KIAA1549: variants seen among roughly 807,000 people sequenced by gnomAD.
KIAA1549 encodes UPF0606 protein KIAA1549.
A neutral mutation model predicts 156.4 loss-of-function variants in KIAA1549; 70 were observed. The observed-to-expected ratio is 0.45, with a 90% CI of 0.37 to 0.55. KIAA1549 has a LOEUF of 0.55. Among genes scored for constraint, KIAA1549 ranks in the 20% least tolerant of loss-of-function variants. The pLI is 0.00. For missense variants in KIAA1549, 2,428 were observed against 2,540.9 expected, an observed-to-expected ratio of 0.96 and a Z score of 0.96; for synonymous variants, 1,103 against 1,066.4, an observed-to-expected ratio of 1.03 and a Z score of -0.67.
At chr7:138,851,680 C>G (rs1810237825) in intron 17 of KIAA1549, among the ~76,000 whole-genome samples, 1 of 152,168 alleles carries the variant, frequency 6.6e-6, no homozygotes, top group Non-Finnish European at 1.5e-5. Flanking sequence ...CAACCCTAAT[C>G]AACTTTCAAA....
chr7:138,974,146 T>C (rs1814304146), intron 1 of KIAA1549, among the ~76,000 whole-genome samples: 3 of 152,202 alleles, frequency 2.0e-5, no homozygotes, highest in Non-Finnish European at 4.4e-5. Flanking sequence ...GAAAAATTGC[T>C]CAGCATCCCT....
intron 1 of KIAA1549, among the ~76,000 whole-genome samples, chr7:138,938,689 C>T (rs910272699): frequency 5.9e-5 from 9 of 152,222 alleles, no homozygotes; most frequent in African/African-American, 1.2e-4. Context: ...GAGTTCTATG[C>T]CTGTTTTTGC....
At chr7:138,846,352 T>C (rs1232858038) in intron 17 of KIAA1549, among the ~76,000 whole-genome samples, 2 of 151,990 alleles carry the variant, frequency 1.3e-5, no homozygotes, top group Admixed American at 1.3e-4. Context: ...CTGGCCAACA[T>C]GGTGAAACGC....
chr7:138,964,012 T>G (rs1214181218), intron 1 of KIAA1549, among the ~76,000 whole-genome samples: 5 of 152,092 alleles, frequency 3.3e-5, no homozygotes, highest in Admixed American at 2.0e-4. Context: ...ACTTTTTGAG[T>G]TTTTTTATTG....
In KIAA1549 at chr7:138,918,850, C is replaced by T. The variant is rs775674578; in HGVS notation, c.776G>A (p.Ser259Asn). 1.9e-6 allele frequency: 3 copies of T among 1,613,922 alleles called. No individual in the cohort carries two copies. Among genetic ancestry groups the T allele is most frequent in the Admixed American group, 3.3e-5 (2 of 60,012 alleles). Reference sequence around the variant, plus strand: ...TGGCAGAGTCCTGCTTGATAAATGACTGTAAGCATCAGTAGGATAAAGCAC... The same window carrying T: ...TGGCAGAGTCCTGCTTGATAAATGATTGTAAGCATCAGTAGGATAAAGCAC... ...NLVLYPTDAY[S>N]HLSSRTLPEI... Residue 259 changes from serine (S) to asparagine (N), a missense_variant, in exon 2 of 20, where the codon AGT (serine) becomes AAT (asparagine). Physicochemically the swap from Ser to Asn is conservative, Grantham distance 46 (BLOSUM62 1). Coordinates refer to ENST00000422774, the MANE Select transcript of KIAA1549 (RefSeq NM_001164665.2). The surrounding 1 kb of genome is among the most constrained non-coding windows in gnomAD (Gnocchi z 4.2).
chr7:138,972,112 C>T (rs1408147248), intron 1 of KIAA1549, among the ~76,000 whole-genome samples: 1 of 152,120 alleles, frequency 6.6e-6, no homozygotes, highest in Admixed American at 6.5e-5. Context: ...GACGGACTTC[C>T]TCCCCTCCCA....
chr7:138,887,100 G>T (rs1811414515), intron 10 of KIAA1549, among the ~76,000 whole-genome samples: 1 of 151,778 alleles, frequency 6.6e-6, no homozygotes, highest in African/African-American at 2.4e-5. Flanking sequence ...ATTACAGATG[G>T]GGTTTCACCA....
At position 138,894,417 on chromosome 7, in the gene KIAA1549, G is replaced by A. The variant is rs779392132; in HGVS notation, c.3957C>T (p.Leu1319=). Residue 1319 remains leucine, a synonymous_variant, in exon 10 of 20, where the codon CTC becomes CTT. Coordinates refer to ENST00000422774, the MANE Select transcript of KIAA1549 (RefSeq NM_001164665.2). ...VLVVMVIVVI[L]YWKLCRTDKL... ...TGTCTGTGCGGCATAGTTTCCAGTA[G>A]AGGATGACAACAATCACCATCACCA... The A allele has an allele frequency of 2.6e-5, 42 of 1,613,922 alleles. No homozygotes were observed. The Admixed American group carries it at 5.8e-4, about 22-fold the overall frequency.
rs374916445 is a variant in KIAA1549 at position 138,879,561 on chromosome 7, C to A, written c.4322G>T (p.Arg1441Met). The change falls in exon 12 of 20, where the codon AGG becomes ATG. Residue 1441 changes from arginine to methionine, a missense_variant. Coordinates refer to ENST00000422774, the MANE Select transcript of KIAA1549 (RefSeq NM_001164665.2). ...ACCGCTCTGCGGAGCTCTGTGGGAC[C>A]TGCCATCGTTGACGGCTCCCGGCGT... ...DKTPGAVNDGRSHRAPQSGPP... is the reference protein window; with the variant it reads ...DKTPGAVNDGMSHRAPQSGPP... The A allele has an allele frequency of 4.8e-5, 75 of 1,565,766 alleles. No individual in the cohort carries two copies. Among genetic ancestry groups the A allele is most frequent in the Non-Finnish European group, 6.1e-5 (71 of 1,154,678 alleles).
chr7:138,935,022 C>G (rs949592702), intron 1 of KIAA1549, among the ~76,000 whole-genome samples: 1 of 152,150 alleles, frequency 6.6e-6, no homozygotes, highest in Non-Finnish European at 1.5e-5. Flanking sequence ...TGCTCAGTGC[C>G]CCCCGGAGAA....
chr7:138,954,422 A>T (rs1813599909), intron 1 of KIAA1549, among the ~76,000 whole-genome samples: 1 of 152,172 alleles, frequency 6.6e-6, no homozygotes, highest in Non-Finnish European at 1.5e-5. Context: ...GTTAGACTAC[A>T]GAAGACCTGA....
At chr7:138,943,053 G>GT in intron 1 of KIAA1549, among the ~76,000 whole-genome samples, 1 of 152,346 alleles carries the variant, frequency 6.6e-6, no homozygotes, top group South Asian at 2.1e-4. Flanking sequence ...CAACCAATGT[G>GT]TGCCCCTGCA....
rs1256271447 is a variant in KIAA1549 at position 138,836,400 on chromosome 7, T to C, written c.*1506A>G. ...GTGTAGTAGGCTATACCATGTAGGT[T>C]GTGTAAGTACAATCTAGGATGTTGG... On this transcript the variant is annotated 3_prime_UTR_variant, in exon 20 of 20. Coordinates refer to ENST00000422774, the MANE Select transcript of KIAA1549 (RefSeq NM_001164665.2). 4 of 214,852 alleles carry C rather than the reference T, an allele frequency of 1.9e-5. No homozygotes were observed. The highest frequency in any genetic ancestry group is 4.5e-5 in the African/African-American group (2 of 44,264). 13.3% of individuals were successfully genotyped at this position (214,852 alleles called of 1,614,324 possible).
chr7:138,926,758 C>G (rs997200974), intron 1 of KIAA1549, among the ~76,000 whole-genome samples: 1 of 152,098 alleles, frequency 6.6e-6, no homozygotes, highest in Non-Finnish European at 1.5e-5. Flanking sequence ...ACCAAGTTAC[C>G]TCTCCAACTG....
chr7:138,836,422 T>C lies in KIAA1549; in HGVS notation c.*1484A>G, dbSNP rs1324759935. 2.8e-5 allele frequency: 6 copies of C among 214,772 alleles called. No individual in the cohort carries two copies. The Admixed American group carries it at 3.5e-4, about 13-fold the overall frequency. The allele number at this position is 214,772 out of a possible 1,614,324, so 13.3% of individuals were successfully genotyped here. A position where few individuals can be genotyped will look rare whatever the true frequency, so the allele number is the denominator to read the frequency against. On this transcript the variant is annotated 3_prime_UTR_variant, in exon 20 of 20. Transcript: ENST00000422774. ...GGTTGTGTAAGTACAATCTAGGATG[T>C]TGGCACAGCAACAAAACAGCCTAAT...
intron 8 of KIAA1549, among the ~76,000 whole-genome samples, chr7:138,899,760 C>A (rs1043334276): frequency 6.6e-6 from 1 of 152,132 alleles, no homozygotes; most frequent in African/African-American, 2.4e-5. Context: ...GACAAAATCA[C>A]CCCCACCCAC....
intron 1 of KIAA1549, among the ~76,000 whole-genome samples, chr7:138,965,740 T>C (rs1443933379): frequency 6.6e-6 from 1 of 152,214 alleles, no homozygotes; most frequent in African/African-American, 2.4e-5. Flanking sequence ...AAAGGAGAGA[T>C]ACTAAAATGT....
intron 12 of KIAA1549, 69 bp from the exon 13 acceptor site, chr7:138,871,431 T>C (rs955946317): frequency 7.5e-7 from 1 of 1,340,544 alleles, no homozygotes; most frequent in African/African-American, 1.5e-5. Flanking sequence ...ATCAAAATTG[T>C]GAATTATTCT....
intron 3 of KIAA1549, among the ~76,000 whole-genome samples, chr7:138,911,985 C>T (rs940781253): frequency 3.3e-5 from 5 of 152,168 alleles, no homozygotes; most frequent in Admixed American, 3.3e-4. Context: ...TCTATCCTAC[C>T]AAATGTCCAG....
Sources: gnomAD v4.1 joint callset for allele counts (sites outside exome capture counted in the v4.1 genomes callset) on GRCh38, gnomAD v4.1.1 for gene constraint, Gnocchi (gnomAD v3.1) non-coding constraint, MANE v1.5 for transcripts, NCBI Gene and HGNC (gene_info 2026-07-23, HGNC 2026-07-21) for gene names.